The following UNC45A variants were observed in gnomAD, a reference collection of about 807,000 sequenced individuals.
UNC45A encodes protein unc-45 homolog A.
UNC45A carries 78 observed loss-of-function variants against 103.2 expected under a neutral mutation model. That is an observed-to-expected ratio of 0.76 (90% CI 0.63 to 0.91). The LOEUF (loss-of-function observed/expected upper bound fraction) is 0.91, where lower values mean the gene tolerates loss of function less well. Ranked by LOEUF, UNC45A falls within the 40% of genes least tolerant of loss-of-function variation. UNC45A has a pLI of 0.00. For missense variants in UNC45A, 1,193 were observed against 1,224.8 expected (o/e 0.97, Z 0.39); for synonymous variants, 495 against 504.6 (o/e 0.98, Z 0.25).
chr15:90,931,315 G>A, upstream of UNC45A: 2 of 1,551,272 alleles, frequency 1.3e-6, no homozygotes. Flanking sequence ...ATGCTTTAGA[G>A]CCTCTTCCAG....
chr15:90,931,660 G>A (rs1396720229), upstream of UNC45A: 2 of 1,613,806 alleles, frequency 1.2e-6, no homozygotes, highest in East Asian at 2.2e-5. Flanking sequence ...TTCAGAAGGC[G>A]GCATCCCCCT....
chr15:90,947,825 G>A lies in UNC45A; in HGVS notation c.1530G>A (p.Gly510=), dbSNP rs954474944. 6 of 1,614,036 alleles carry A rather than the reference G, an allele frequency of 3.7e-6. No homozygotes were observed. The African/African-American group carries it at 8.0e-5, about 22-fold the overall frequency. ...VGLCKLGSAG[G]TDFSMKQFAE... ...TCTGTAAGCTCGGTTCGGCTGGAGG[G>A]ACTGACTTCAGCATGAAGCAGTTTG... The change falls in exon 11 of 20, where the codon GGG becomes GGA. Residue 510 remains glycine (G), a synonymous_variant. Transcript: ENST00000418476.
intron 12 of UNC45A, 152 bp downstream of exon 12, chr15:90,948,435 G>A: frequency 7.6e-7 from 1 of 1,310,440 alleles, no homozygotes; most frequent in Non-Finnish European, 1.0e-6. Flanking sequence ...TGGGCATGTT[G>A]GCCAGCACCA....
At chr15:90,944,863 T>C (rs1185091528) in intron 8 of UNC45A, 29 bp from the exon 9 acceptor site, 1 of 1,603,384 alleles carries the variant, frequency 6.2e-7, no homozygotes, top group Non-Finnish European at 8.5e-7. Context: ...GAACTAGTGT[T>C]CTACTGTCTA....
At chr15:90,941,330 G>C (rs1362066263) in intron 6 of UNC45A, among the ~76,000 whole-genome samples, 1 of 152,204 alleles carries the variant, frequency 6.6e-6, no homozygotes, top group Non-Finnish European at 1.5e-5. Flanking sequence ...GGCCAGTGTG[G>C]TGAAGTCCAT....
At position 90,945,013 on chromosome 15, in the gene UNC45A, G is replaced by T. The variant is rs772793599; in HGVS notation, c.1149G>T (p.Lys383Asn). Residue 383 changes from lysine (K) to asparagine (N), a missense_variant, in exon 9 of 20, where the codon AAG becomes AAT. Physicochemically the swap from Lys to Asn is moderately conservative, Grantham distance 94. Coordinates refer to ENST00000418476, the MANE Select transcript of UNC45A (RefSeq NM_018671.5). ...TCAGCAAGCTCTTTGATGACCTCAA[G>T]TGTGATGCGGAGAGGGAGAATTTCC... ...ILLSKLFDDLKCDAERENFHR... is the reference protein window; with the variant it reads ...ILLSKLFDDLNCDAERENFHR... The T allele has an allele frequency of 5.0e-6, 8 of 1,613,018 alleles. No homozygotes were observed. The South Asian group carries it at 6.6e-5, about 13-fold the overall frequency.
chr15:90,942,904 GTTGCCAGATC>G lies in UNC45A; in HGVS notation c.857-7_859del, dbSNP rs754150470. ...TGGAGCCCACTGATGTCTTCTTGTT[GTTGCCAGATC>G]CTGCCCGGGAGCTGAAGGTCCTCAT... is the stretch of plus-strand genomic sequence containing the variant. On this transcript the variant is annotated splice_acceptor_variant and splice_polypyrimidine_tract_variant and coding_sequence_variant and intron_variant, in exon 8 of 20. Coordinates refer to ENST00000418476, the MANE Select transcript of UNC45A (RefSeq NM_018671.5). LOFTEE classifies it high-confidence loss of function. 1 of 1,598,636 alleles carries G rather than the reference GTTGCCAGATC, an allele frequency of 6.3e-7. No homozygotes were observed. Among genetic ancestry groups the G allele is most frequent in the Non-Finnish European group, 8.5e-7 (1 of 1,169,872 alleles).
chr15:90,935,634 C>T lies in UNC45A; in HGVS notation c.142C>T (p.Leu48=), dbSNP rs748526950. 1.2e-6 allele frequency: 2 copies of T among 1,612,836 alleles called. No individual in the cohort carries two copies. The highest frequency in any genetic ancestry group is 1.7e-6 in the Non-Finnish European group (2 of 1,179,540). The change falls in exon 2 of 20, where the codon CTG becomes TTG. Residue 48 remains leucine (L), a synonymous_variant. Transcript: ENST00000418476. The stretch of plus-strand genomic sequence containing the variant: ...CGCCCTGGCGGCCTACACTCAGGCC[C>T]TGGGTCTGGACGCGACGCCCCAGGA... ...GGALAAYTQA[L]GLDATPQDQA...
chr15:90,934,612 G>C, upstream of UNC45A: 1 of 398,810 alleles, frequency 2.5e-6, no homozygotes, highest in East Asian at 3.6e-5. Flanking sequence ...CTGGGGCTCT[G>C]TTCCTAAATT....
upstream of UNC45A, chr15:90,932,897 G>C (rs77369465): frequency 4.4e-6 from 1 of 228,194 alleles, no homozygotes; most frequent in Non-Finnish European, 8.5e-6. Context: ...GACTATGGGA[G>C]CGGGAAGAAA....
At chr15:90,936,210 C>T (rs1470298934) in intron 3 of UNC45A, 75 bp from the exon 4 acceptor site, 5 of 1,544,404 alleles carry the variant, frequency 3.2e-6, no homozygotes, top group African/African-American at 2.8e-5. Context: ...GGCCTTTCCT[C>T]GAGATCTTTC....
intron 11 of UNC45A, 60 bp downstream of exon 11, chr15:90,947,950 G>GAC (rs2036660807): frequency 8.2e-5 from 124 of 1,518,018 alleles, no homozygotes; most frequent in Non-Finnish European, 1.1e-4. Context: ...AGACACAGGG[G>GAC]TCTGGGTGGG....
At chr15:90,943,423 T>C (rs2036393131) in intron 8 of UNC45A, among the ~76,000 whole-genome samples, 1 of 124,076 alleles carries the variant, frequency 8.1e-6, no homozygotes, top group Non-Finnish European at 1.6e-5. Flanking sequence ...AGGGAGACTG[T>C]CTCAAAAAAA....
upstream of UNC45A, chr15:90,932,473 CG>C: frequency 7.6e-7 from 1 of 1,323,954 alleles, no homozygotes; most frequent in Non-Finnish European, 9.6e-7. Flanking sequence ...GTCCTTCCGC[CG>C]CTGCTGCCGG....
chr15:90,934,197 G>C (rs556142409), upstream of UNC45A: 1 of 399,476 alleles, frequency 2.5e-6, no homozygotes, highest in Non-Finnish European at 4.4e-6. Flanking sequence ...GGCTATTCCT[G>C]GGAACTGGAA....
chr15:90,946,997 C>G, intron 10 of UNC45A, 83 bp downstream of exon 10: 1 of 1,489,192 alleles, frequency 6.7e-7, no homozygotes, highest in Admixed American at 2.0e-5. Context: ...GTGGCCCCAG[C>G]ACACTCCAGA....
In UNC45A at chr15:90,935,575, G is replaced by A. The variant is rs879160076; in HGVS notation, c.83G>A (p.Gly28Asp). The A allele has an allele frequency of 2.5e-6, 4 of 1,612,244 alleles. No individual in the cohort carries two copies. The highest frequency in any genetic ancestry group is 3.4e-6 in the Non-Finnish European group (4 of 1,179,178). ...ASSVEQLRKEGNELFKCGDYG... is the reference protein window; with the variant it reads ...ASSVEQLRKEDNELFKCGDYG... ...TCAGTGGAGCAGCTGCGGAAGGAGG[G>A]CAATGAGCTGTTCAAATGTGGAGAC... The change falls in exon 2 of 20, where the codon GGC becomes GAC. Residue 28 changes from glycine (G) to aspartate (D), a missense_variant. Gly to Asp is a moderately conservative substitution (Grantham distance 94, BLOSUM62 -1). Transcript: ENST00000418476.
upstream of UNC45A, chr15:90,931,278 G>C (rs1196451828): frequency 1.3e-6 from 2 of 1,550,230 alleles, no homozygotes; most frequent in Non-Finnish European, 1.7e-6. Context: ...GCACTGATCA[G>C]ATTGTCAGCC....
At chr15:90,949,941 C>A in intron 15 of UNC45A, 1 of 666,546 alleles carries the variant, frequency 1.5e-6, no homozygotes, top group Non-Finnish European at 2.6e-6. Flanking sequence ...GTTCCTTTGT[C>A]TCATTTACCC....
Sources: gnomAD v4.1 joint callset for allele counts (sites outside exome capture counted in the v4.1 genomes callset) on GRCh38, gnomAD v4.1.1 for gene constraint, MANE v1.5 for transcripts, NCBI Gene and HGNC (gene_info 2026-07-23, HGNC 2026-07-21) for gene names.